Variants in PAPPA2 observed in about 807,000 individuals in gnomAD.
PAPPA2 encodes the protein pappalysin 2, also known as pappalysin-2.
PAPPA2 carries 86 observed loss-of-function variants against 176.4 expected under a neutral mutation model. The ratio of observed to expected loss-of-function variants is 0.49; its 90% CI spans 0.41 to 0.58. PAPPA2 has a LOEUF of 0.58. Among genes scored for constraint, PAPPA2 ranks in the 20% least tolerant of loss-of-function variants. PAPPA2 has a pLI of 0.00. For missense variants in PAPPA2, 2,073 were observed against 2,256.9 expected, an observed-to-expected ratio of 0.92 and a Z score of 1.65; for synonymous variants, 809 against 852.2, an observed-to-expected ratio of 0.95 and a Z score of 0.88.
At chr1:176,712,479 A>G (rs1334648003) in intron 12 of PAPPA2, among the ~76,000 whole-genome samples, 1 of 152,212 alleles carries the variant, frequency 6.6e-6, no homozygotes, top group Non-Finnish European at 1.5e-5. Context: ...ATTTGGCATT[A>G]TATTTGTGGG....
intron 1 of PAPPA2, among the ~76,000 whole-genome samples, chr1:176,508,296 C>T (rs564785967): frequency 3.9e-5 from 6 of 152,002 alleles, no homozygotes; most frequent in African/African-American, 1.2e-4. Context: ...ATAAATCAGT[C>T]GGTAGAAACA....
intron 12 of PAPPA2, among the ~76,000 whole-genome samples, chr1:176,737,956 C>T (rs563258930): frequency 8.5e-5 from 13 of 152,140 alleles, no homozygotes; most frequent in Non-Finnish European, 1.6e-4. Context: ...GGGGTAAAGC[C>T]ACCAGGTATT....
chr1:176,586,564 T>C (rs997570882), intron 2 of PAPPA2, among the ~76,000 whole-genome samples: 1 of 152,162 alleles, frequency 6.6e-6, no homozygotes, highest in Non-Finnish European at 1.5e-5. Flanking sequence ...GTTCCTGTGT[T>C]AGTTGGCTGA....
At chr1:176,583,363 A>G (rs927236599) in intron 2 of PAPPA2, among the ~76,000 whole-genome samples, 10 of 151,898 alleles carry the variant, frequency 6.6e-5, no homozygotes, top group African/African-American at 2.2e-4. Flanking sequence ...TTTTATTGCT[A>G]TAATCTTGTC....
chr1:176,678,485 A>G (rs1305371007), intron 4 of PAPPA2, among the ~76,000 whole-genome samples: 1 of 152,032 alleles, frequency 6.6e-6, no homozygotes, highest in Non-Finnish European at 1.5e-5. Flanking sequence ...CAAATCTTAC[A>G]GCAATTTAAT....
At chr1:176,734,063 A>G (rs1354817632) in intron 12 of PAPPA2, among the ~76,000 whole-genome samples, 2 of 152,112 alleles carry the variant, frequency 1.3e-5, no homozygotes, top group African/African-American at 2.4e-5. Context: ...ATTCTTTCCA[A>G]TGAGCTGAAT....
intron 1 of PAPPA2, among the ~76,000 whole-genome samples, chr1:176,538,575 G>C (rs1316176781): frequency 1.3e-5 from 2 of 152,200 alleles, no homozygotes; most frequent in Non-Finnish European, 2.9e-5. Flanking sequence ...CTTTTAGAGA[G>C]GAGGGGGAGA....
intron 3 of PAPPA2, among the ~76,000 whole-genome samples, chr1:176,615,891 C>T (rs569039594): frequency 6.6e-6 from 1 of 152,264 alleles, no homozygotes; most frequent in East Asian, 1.9e-4. Context: ...TAAAAACATA[C>T]AAGTATGGTG....
chr1:176,632,009 A>G (rs150761709), intron 3 of PAPPA2, among the ~76,000 whole-genome samples: 1 of 152,272 alleles, frequency 6.6e-6, no homozygotes, highest in African/African-American at 2.4e-5. Context: ...GCCTAGAAGT[A>G]GCAAGTTAAG....
chr1:176,570,060 T>C (rs1213325469), intron 2 of PAPPA2, among the ~76,000 whole-genome samples: 1 of 152,250 alleles, frequency 6.6e-6, no homozygotes, highest in Non-Finnish European at 1.5e-5. Context: ...TTATCTTTTC[T>C]ATTTATTTGC....
intron 12 of PAPPA2, among the ~76,000 whole-genome samples, chr1:176,720,494 G>A (rs913126754): frequency 1.3e-5 from 2 of 151,578 alleles, no homozygotes; most frequent in Admixed American, 6.6e-5. Flanking sequence ...CCAACTTACC[G>A]TTTCTTATTC....
chr1:176,552,938 A>C (rs1018455846), intron 1 of PAPPA2, among the ~76,000 whole-genome samples: 2 of 152,142 alleles, frequency 1.3e-5, no homozygotes, highest in African/African-American at 2.4e-5. Flanking sequence ...GAAGAGGGGT[A>C]GGGGACTTGG....
intron 21 of PAPPA2, among the ~76,000 whole-genome samples, chr1:176,803,067 T>G (rs1167512339): frequency 6.6e-6 from 1 of 152,218 alleles, no homozygotes; most frequent in Non-Finnish European, 1.5e-5. Context: ...ATTTGGCCTT[T>G]GAGACCTGAA....
intron 1 of PAPPA2, among the ~76,000 whole-genome samples, chr1:176,493,864 T>C (rs1411471442): frequency 6.6e-6 from 1 of 152,140 alleles, no homozygotes; most frequent in Non-Finnish European, 1.5e-5. Context: ...AAGCAGGAAA[T>C]ATGACTTTGA....
At position 176,556,308 on chromosome 1, in the gene PAPPA2, A is replaced by C; in HGVS notation, c.-15A>C. On this transcript the variant is annotated 5_prime_UTR_variant, in exon 2 of 23. Coordinates refer to ENST00000367662, the MANE Select transcript of PAPPA2 (RefSeq NM_020318.3). Reference sequence around the variant, plus strand: ...GAAGTTGACTTCTGGTTCTGTAGAAAGAGCTAGGGGAGGTATGATGTGCTT... The same window carrying C: ...GAAGTTGACTTCTGGTTCTGTAGAACGAGCTAGGGGAGGTATGATGTGCTT... The C allele has an allele frequency of 6.2e-7, 1 of 1,605,806 alleles. No homozygotes were observed. Among genetic ancestry groups the C allele is most frequent in the Non-Finnish European group, 8.5e-7 (1 of 1,175,310 alleles).
chr1:176,759,188 G>A (rs961104116), intron 14 of PAPPA2, among the ~76,000 whole-genome samples: 2 of 152,222 alleles, frequency 1.3e-5, no homozygotes, highest in African/African-American at 4.8e-5. Context: ...ACTGACTTTA[G>A]AGAAGTTTAT....
At position 176,591,532 on chromosome 1, in the gene PAPPA2, A is replaced by G. The variant is rs139695401; in HGVS notation, c.920-2992A>G. 3.6e-3 allele frequency among the ~76,000 whole-genome samples: 548 copies of G among 152,192 alleles called. 3 individuals are homozygous for G. The highest frequency in any genetic ancestry group is 6.2e-3 in the Non-Finnish European group (421 of 67,992). ...TTCCATTGTTATTAATTTCAGGTTT[A>G]TTTTCTGCACTATATTGAACTCTCC... On this transcript the variant is annotated intron_variant, in intron 2 of 22. Coordinates refer to ENST00000367662, the MANE Select transcript of PAPPA2 (RefSeq NM_020318.3).
intron 2 of PAPPA2, among the ~76,000 whole-genome samples, chr1:176,570,141 G>T (rs374635578): frequency 6.7e-4 from 102 of 152,322 alleles, no homozygotes; most frequent in African/African-American, 2.2e-3. Context: ...GTGGGCGGGA[G>T]GAAGAGGAGT....
rs1031322909 is a variant in PAPPA2, at chr1:176,508,621, A to G, written c.-917+45203A>G. On this transcript the variant is annotated intron_variant, in intron 1 of 22. Transcript: ENST00000367662. ...AATAATGAATAGAGTCTCAATGACA[A>G]TGATATGGTGTGGCTCTGTGTTCCC... Among the ~76,000 whole-genome samples, 3 of 152,210 alleles carry G rather than the reference A, an allele frequency of 2.0e-5. No homozygotes were observed. In the East Asian group the frequency reaches 5.8e-4, roughly 29 times the overall value.
Sources: gnomAD v4.1 joint callset for allele counts (sites outside exome capture counted in the v4.1 genomes callset) on GRCh38, gnomAD v4.1.1 for gene constraint, MANE v1.5 for transcripts, NCBI Gene and HGNC (gene_info 2026-07-23, HGNC 2026-07-21) for gene names.